Variants in GSDMC observed in about 807,000 individuals in gnomAD.
GSDMC encodes gasdermin C.
A neutral mutation model predicts 58.0 loss-of-function variants in GSDMC; 59 were observed. The ratio of observed to expected loss-of-function variants is 1.02; its 90% CI spans 0.82 to 1.26. The LOEUF is 1.26. Ranked by LOEUF, GSDMC falls within the 50% of genes most tolerant of loss-of-function variation. The pLI, the probability that GSDMC is intolerant of heterozygous loss-of-function variation, is 0.00. For missense variants in GSDMC, 659 were observed against 598.5 expected (o/e 1.10, Z -1.06); for synonymous variants, 241 against 220.2 (o/e 1.09, Z -0.83).
the GSDMC span, among the ~76,000 whole-genome samples, chr8:129,741,289 G>C: frequency 6.6e-6 from 1 of 151,906 alleles, no homozygotes; most frequent in African/African-American, 2.4e-5. Flanking sequence ...GATGCCTCCA[G>C]TTTTGTTATT....
At chr8:129,777,245 A>C (rs1399024008) in intron 2 of GSDMC, 123 bp downstream of exon 2, 1 of 626,834 alleles carries the variant, frequency 1.6e-6, no homozygotes, top group Admixed American at 2.9e-5. Flanking sequence ...CCCCTTGCCT[A>C]TAGGCAAGGC....
At chr8:129,759,369 G>T (rs192707165) in intron 6 of GSDMC, among the ~76,000 whole-genome samples, 2 of 152,032 alleles carry the variant, frequency 1.3e-5, no homozygotes, top group East Asian at 3.9e-4. Context: ...AAATGGGATC[G>T]CATCAAGTTA....
At chr8:129,738,962 G>A in the GSDMC span, among the ~76,000 whole-genome samples, 1 of 152,136 alleles carries the variant, frequency 6.6e-6, no homozygotes, top group Non-Finnish European at 1.5e-5. Flanking sequence ...ACTGGACCAA[G>A]AAGAAGAAAA....
At chr8:129,730,832 C>T in the GSDMC span, among the ~76,000 whole-genome samples, 4 of 152,044 alleles carry the variant, frequency 2.6e-5, no homozygotes, top group African/African-American at 2.4e-5. Context: ...GGCTACAGGC[C>T]GATAAACCCA....
the GSDMC span, among the ~76,000 whole-genome samples, chr8:129,717,864 C>A: frequency 2.6e-5 from 4 of 151,998 alleles, no homozygotes; most frequent in Non-Finnish European, 5.9e-5. Flanking sequence ...TCAGAAATAA[C>A]GGCACACATC....
chr8:129,784,308 C>T (rs2034496135), intron 1 of GSDMC, among the ~76,000 whole-genome samples: 1 of 151,924 alleles, frequency 6.6e-6, no homozygotes, highest in Non-Finnish European at 1.5e-5. Flanking sequence ...AAAAGAGAAC[C>T]CACAGAATGG....
chr8:129,708,231 G>A, the GSDMC span, among the ~76,000 whole-genome samples: 2 of 152,198 alleles, frequency 1.3e-5, no homozygotes, highest in Admixed American at 6.5e-5. Context: ...CTGCTTAGAG[G>A]GGCCCCAGAG....
At chr8:129,765,904 C>G (rs1563802686) in intron 3 of GSDMC, 111 bp from the exon 4 acceptor site, 10 of 757,790 alleles carry the variant, frequency 1.3e-5, no homozygotes, top group Non-Finnish European at 1.9e-5. Flanking sequence ...TGGCTTTGGA[C>G]CCTGACAGGT....
chr8:129,727,023 C>CACACACACACACACACACAT, the GSDMC span, among the ~76,000 whole-genome samples: 9 of 150,320 alleles, frequency 6.0e-5, no homozygotes, highest in South Asian at 8.4e-4. Context: ...CACACACACA[C>CACACACACACACACACACAT]ACCTATTCAC....
At chr8:129,784,920 A>C (rs982133503) in intron 1 of GSDMC, among the ~76,000 whole-genome samples, 1 of 152,206 alleles carries the variant, frequency 6.6e-6, no homozygotes, top group Non-Finnish European at 1.5e-5. Flanking sequence ...GCCATAAAAA[A>C]GAATGAGATT....
the GSDMC span, among the ~76,000 whole-genome samples, chr8:129,720,417 T>A: frequency 1.3e-5 from 2 of 152,192 alleles, no homozygotes; most frequent in African/African-American, 4.8e-5. Flanking sequence ...ATAGAGTATG[T>A]TTTAAAAGCC....
the GSDMC span, chr8:129,705,685 A>AT: frequency 2.6e-5 from 4 of 152,242 alleles, no homozygotes; most frequent in African/African-American, 9.7e-5. Flanking sequence ...CATGGGGATT[A>AT]TGGGAACTAT....
Position 129,776,092 on chromosome 8 carries a change from A to G in GSDMC, c.404+10T>C. ...TGATGATCCATCCCCTTCCTCTCCC[A>G]TGGCCTCACCTTTTTTGAAAGTCTT... On this transcript the variant is annotated intron_variant, in intron 3 of 13. Transcript: ENST00000276708. The G allele has an allele frequency of 1.9e-6, 3 of 1,608,204 alleles. No homozygotes were observed. Among genetic ancestry groups the G allele is most frequent in the South Asian group, 2.2e-5 (2 of 90,534 alleles).
chr8:129,769,694 T>G (rs988087047), intron 3 of GSDMC, among the ~76,000 whole-genome samples: 2 of 152,192 alleles, frequency 1.3e-5, no homozygotes, highest in African/African-American at 4.8e-5. Flanking sequence ...CAATCACCTC[T>G]TAAAAGCCCC....
intron 1 of GSDMC, among the ~76,000 whole-genome samples, chr8:129,780,393 A>G (rs1320796675): frequency 6.6e-6 from 1 of 151,988 alleles, no homozygotes; most frequent in Non-Finnish European, 1.5e-5. Context: ...CTAAAGTGGC[A>G]AAAGAAAAGA....
Position 129,777,786 on chromosome 8 carries a change from A to C in GSDMC, c.-4-195T>G, listed in dbSNP as rs558038199. 1.1e-3 allele frequency among the ~76,000 whole-genome samples: 164 copies of C among 152,222 alleles called. 1 individual carries two copies. In the South Asian group the frequency reaches 0.011, roughly 10 times the overall value. ...GTTGTTTTTGAGACAGGGTCTTGCC[A>C]TGTTGCCCAGACTGGTCTTGAACTC... On this transcript the variant is annotated intron_variant, in intron 1 of 13. Transcript: ENST00000276708.
intron 3 of GSDMC, among the ~76,000 whole-genome samples, chr8:129,770,960 AC>A (rs2034026804): frequency 6.6e-6 from 1 of 151,382 alleles, no homozygotes; most frequent in Non-Finnish European, 1.5e-5. Flanking sequence ...GCACAAGATG[AC>A]CAAAAAAGAA....
At chr8:129,711,061 A>G in the GSDMC span, among the ~76,000 whole-genome samples, 1 of 152,176 alleles carries the variant, frequency 6.6e-6, no homozygotes, top group Non-Finnish European at 1.5e-5. Flanking sequence ...CCCCTTATCA[A>G]AGGAAAACAA....
the GSDMC span, chr8:129,706,633 G>T: frequency 6.6e-6 from 1 of 152,174 alleles, no homozygotes; most frequent in Admixed American, 6.5e-5. Context: ...GGAATCACTT[G>T]CAGGCATTTG....
Sources: allele counts gnomAD v4.1 joint callset (sites outside exome capture counted in the v4.1 genomes callset), GRCh38; gene constraint gnomAD v4.1.1; transcripts MANE v1.5; gene names NCBI Gene and HGNC (gene_info 2026-07-23, HGNC 2026-07-21).